Variants in ZNF254 observed in about 807,000 individuals in gnomAD.
The protein encoded by ZNF254 is zinc finger protein 254.
ZNF254 carries 10 observed loss-of-function variants against 12.4 expected under a neutral mutation model. The ratio of observed to expected loss-of-function variants is 0.80; its 90% CI spans 0.50 to 1.36. The LOEUF (loss-of-function observed/expected upper bound fraction) is 1.36. Ranked by LOEUF, ZNF254 falls within the 40% of genes most tolerant of loss-of-function variation. The pLI, the probability that ZNF254 is intolerant of heterozygous loss-of-function variation, is 0.00. For synonymous variants in ZNF254, 305 were observed against 253.4 expected, an observed-to-expected ratio of 1.20 and a Z score of -1.93; for missense variants, 996 against 763.9, an observed-to-expected ratio of 1.30 and a Z score of -3.58.
intron 1 of ZNF254, among the ~76,000 whole-genome samples, chr19:24,102,033 T>C (rs1184454189): frequency 1.3e-5 from 2 of 152,136 alleles, no homozygotes; most frequent in African/African-American, 4.8e-5. Context: ...ATTAGAAAAA[T>C]AGATGACGCA....
At chr19:24,071,423 C>G (rs1220197762) in intron 2 of ZNF254, among the ~76,000 whole-genome samples, 1 of 152,194 alleles carries the variant, frequency 6.6e-6, no homozygotes, top group Non-Finnish European at 1.5e-5. Flanking sequence ...TGTGACAGAT[C>G]ACTTGTCTCA....
chr19:24,067,300 G>T (rs1383438644), intron 2 of ZNF254, among the ~76,000 whole-genome samples: 2 of 151,882 alleles, frequency 1.3e-5, no homozygotes, highest in African/African-American at 4.8e-5. Flanking sequence ...GTGACTTATT[G>T]TTGGGCCCAG....
chr19:24,127,889 A>G lies in ZNF254; in HGVS notation c.1889A>G (p.Tyr630Cys). 6.2e-7 allele frequency: 1 copy of G among 1,612,736 alleles called. No individual in the cohort carries two copies. Among genetic ancestry groups the G allele is most frequent in the South Asian group, 1.1e-5 (1 of 90,986 alleles). ...HKRIHTGEQPYKWEKFGKAFN... is the reference protein window; with the variant it reads ...HKRIHTGEQPCKWEKFGKAFN... ...AGAATTCATACTGGAGAGCAACCCT[A>G]CAAATGGGAAAAATTTGGCAAAGCC... The change falls in exon 4 of 4, where the codon TAC becomes TGC. Residue 630 changes from tyrosine to cysteine, a missense_variant. Physicochemically the swap from Tyr to Cys is radical, Grantham distance 194. Coordinates refer to ENST00000357002, the MANE Select transcript of ZNF254 (RefSeq NM_203282.4).
chr19:24,121,728 T>C (rs897250545), intron 3 of ZNF254, among the ~76,000 whole-genome samples: 37 of 152,214 alleles, frequency 2.4e-4, no homozygotes, highest in Non-Finnish European at 5.0e-4. Context: ...TGGATAATTA[T>C]TGTATTTTTA....
intron 3 of ZNF254, among the ~76,000 whole-genome samples, chr19:24,117,160 G>C (rs1262018654): frequency 6.6e-6 from 1 of 152,160 alleles, no homozygotes; most frequent in African/African-American, 2.4e-5. Context: ...GGACCCACTT[G>C]AGGAGTCTGT....
chr19:24,115,329 G>A (rs1973972059), intron 3 of ZNF254, among the ~76,000 whole-genome samples: 2 of 152,228 alleles, frequency 1.3e-5, no homozygotes, highest in South Asian at 4.1e-4. Context: ...TATACACCAT[G>A]GAATACTATG....
At chr19:24,098,905 C>G (rs1972825287) in intron 1 of ZNF254, 1 of 146,842 alleles carries the variant, frequency 6.8e-6, no homozygotes, top group African/African-American at 2.5e-5. Context: ...GTGGCTTAAA[C>G]AATGCTCTCT....
At position 24,126,514 on chromosome 19, in the gene ZNF254, C is replaced by T. The variant is rs1974853285; in HGVS notation, c.514C>T (p.Pro172Ser). 1 of 1,595,930 alleles carries T rather than the reference C, an allele frequency of 6.3e-7. No individual in the cohort carries two copies. The highest frequency in any genetic ancestry group is 8.5e-7 in the Non-Finnish European group (1 of 1,174,500). Residue 172 changes from proline (P) to serine (S), a missense_variant, in exon 4 of 4, where the codon CCT (proline) becomes TCT (serine). Pro to Ser is a moderately conservative substitution (Grantham distance 74, BLOSUM62 -1). Transcript: ENST00000357002. Reference sequence around the variant, plus strand: ...CTATAAATTTTTAAATTCAAACAGACCTAAGATAAGACATACTGAAAAGAA... The same window carrying T: ...CTATAAATTTTTAAATTCAAACAGATCTAAGATAAGACATACTGAAAAGAA... ...VFYKFLNSNRPKIRHTEKKSF... is the reference protein window; with the variant it reads ...VFYKFLNSNRSKIRHTEKKSF...
rs1599775826 is a variant in ZNF254 at position 24,127,108 on chromosome 19, A to G, written c.1108A>G (p.Ile370Val). Residue 370 changes from isoleucine to valine, a missense_variant, in exon 4 of 4, where the codon ATA becomes GTA. Physicochemically the swap from Ile to Val is conservative, Grantham distance 29. Coordinates refer to ENST00000357002, the MANE Select transcript of ZNF254 (RefSeq NM_203282.4). The part of the protein sequence containing the change: ...SQSSTLTTHK[I>V]IHTGEKRYKC... ...GTCCTCAACCCTTACTACACATAAG[A>G]TAATTCATACTGGAGAGAAACGCTA... is the stretch of plus-strand genomic sequence containing the variant. The G allele has an allele frequency of 1.2e-6, 2 of 1,613,658 alleles. No individual in the cohort carries two copies. Among genetic ancestry groups the G allele is most frequent in the Non-Finnish European group, 8.5e-7 (1 of 1,179,828 alleles).
chr19:24,060,604 G>A (rs951773170), intron 2 of ZNF254, among the ~76,000 whole-genome samples: 1 of 151,926 alleles, frequency 6.6e-6, no homozygotes, highest in African/African-American at 2.4e-5. Context: ...TGACTCTCCC[G>A]CCTGGTCCAT....
intron 1 of ZNF254, among the ~76,000 whole-genome samples, chr19:24,088,621 T>A (rs1377248693): frequency 6.6e-6 from 1 of 152,110 alleles, no homozygotes; most frequent in Non-Finnish European, 1.5e-5. Flanking sequence ...TAGGGTAGAT[T>A]TTGATACCTG....
At chr19:24,058,311 T>TC (rs2145379309) in intron 2 of ZNF254, among the ~76,000 whole-genome samples, 1 of 152,266 alleles carries the variant, frequency 6.6e-6, no homozygotes, top group Non-Finnish European at 1.5e-5. Context: ...GTGATGTGAC[T>TC]CCATTTCCTT....
chr19:24,103,772 C>T (rs937786819), intron 1 of ZNF254: 2 of 152,830 alleles, frequency 1.3e-5, no homozygotes, highest in Non-Finnish European at 2.9e-5. Flanking sequence ...GTCATCCAGG[C>T]TGGAGTCAAT....
chr19:24,037,678 C>T (rs138481497), intron 1 of ZNF254, among the ~76,000 whole-genome samples: 285 of 151,456 alleles, frequency 1.9e-3, no homozygotes, highest in Non-Finnish European at 2.9e-3. Flanking sequence ...GGTGTGATCT[C>T]GGCTCACCGC....
At chr19:24,057,378 C>T (rs774079603) in intron 2 of ZNF254, among the ~76,000 whole-genome samples, 1 of 152,194 alleles carries the variant, frequency 6.6e-6, no homozygotes, top group African/African-American at 2.4e-5. Flanking sequence ...TAACAACTCT[C>T]ATATCTGGAC....
chr19:24,102,090 G>T (rs573994234), intron 1 of ZNF254, among the ~76,000 whole-genome samples: 2 of 152,194 alleles, frequency 1.3e-5, no homozygotes, highest in African/African-American at 4.8e-5. Flanking sequence ...ACTAGCAACT[G>T]GATAAATGAT....
At chr19:24,089,789 A>G (rs1032898655) in intron 1 of ZNF254, among the ~76,000 whole-genome samples, 1 of 152,068 alleles carries the variant, frequency 6.6e-6, no homozygotes, top group Non-Finnish European at 1.5e-5. Context: ...ATTGCTGGTC[A>G]GTCAATCAGA....
chr19:24,042,715 C>T (rs531944022), intron 1 of ZNF254, among the ~76,000 whole-genome samples: 143 of 152,314 alleles, frequency 9.4e-4, no homozygotes, highest in African/African-American at 3.3e-3. Context: ...CCTGTGTCTT[C>T]CCTACAGGTT....
At chr19:24,064,822 T>A (rs895228975) in intron 2 of ZNF254, among the ~76,000 whole-genome samples, 4 of 152,184 alleles carry the variant, frequency 2.6e-5, no homozygotes, top group African/African-American at 9.6e-5. Flanking sequence ...CCACCGCACC[T>A]GGCTGGCATC....
Sources: gnomAD v4.1 joint callset for allele counts (sites outside exome capture counted in the v4.1 genomes callset) on GRCh38, gnomAD v4.1.1 for gene constraint, MANE v1.5 for transcripts, NCBI Gene and HGNC (gene_info 2026-07-23, HGNC 2026-07-21) for gene names.